ASXL3: variants seen among roughly 807,000 people sequenced by gnomAD.
The protein encoded by ASXL3 is ASXL transcriptional regulator 3, also known as putative Polycomb group protein ASXL3.
Under a neutral mutation model 170.6 loss-of-function variants are expected in ASXL3, and 34 were observed. The ratio of observed to expected loss-of-function variants is 0.20; its 90% CI spans 0.15 to 0.27. The LOEUF (loss-of-function observed/expected upper bound fraction) is 0.27. ASXL3 is among the 10% of genes least tolerant of loss of function. The probability of loss-of-function intolerance (pLI) is 1.00; values close to 1 mark genes in which losing one functional copy is unlikely to be tolerated. For missense variants in ASXL3, 2,592 were observed against 2,695.3 expected (o/e 0.96, Z 0.85); for synonymous variants, 1,002 against 989.1 (o/e 1.01, Z -0.24).
At chr18:33,626,710 A>G (rs560131305) in intron 2 of ASXL3, 11 of 152,262 alleles carry the variant, frequency 7.2e-5, no homozygotes, top group African/African-American at 2.6e-4. Context: ...ACCTTCTGCT[A>G]TGGAAAGGAT....
chr18:33,683,607 T>C, intron 8 of ASXL3, 39 bp downstream of exon 8: 1 of 1,559,742 alleles, frequency 6.4e-7, no homozygotes, highest in Non-Finnish European at 8.7e-7. Flanking sequence ...CAGCCACTAG[T>C]TATATTATGA....
intron 8 of ASXL3, among the ~76,000 whole-genome samples, chr18:33,685,051 T>C (rs1005884636): frequency 6.6e-5 from 10 of 152,164 alleles, no homozygotes; most frequent in African/African-American, 2.4e-4. Flanking sequence ...GTCTGAATGG[T>C]GTTCTCCCTG....
At chr18:33,734,124 C>CTTTAGCATTCTTCTAAAGCATTTAGT (rs2067503577) in intron 9 of ASXL3, among the ~76,000 whole-genome samples, 186 bp from the exon 10 acceptor site, 1 of 150,444 alleles carries the variant, frequency 6.6e-6, no homozygotes, top group African/African-American at 2.4e-5. Flanking sequence ...AAGCATTTAG[C>CTTTAGCATTCTTCTAAAGCATTTAGT]TTTAGCATTT....
At chr18:33,615,987 A>G (rs558286178) in intron 2 of ASXL3, among the ~76,000 whole-genome samples, 4 of 152,178 alleles carry the variant, frequency 2.6e-5, no homozygotes, top group Middle Eastern at 3.2e-3. Context: ...GTTAAATGGT[A>G]TAACATTGAT....
chr18:33,631,508 C>A (rs951452561), intron 2 of ASXL3, among the ~76,000 whole-genome samples: 1 of 151,926 alleles, frequency 6.6e-6, no homozygotes, highest in Non-Finnish European at 1.5e-5. Context: ...ATTAAATAAC[C>A]CATATCTCAT....
chr18:33,673,425 A>T (rs765490875), intron 7 of ASXL3, among the ~76,000 whole-genome samples: 1 of 146,012 alleles, frequency 6.8e-6, no homozygotes, highest in Admixed American at 7.0e-5. Context: ...CCTGGGCTGG[A>T]GTACAGTGGT....
chr18:33,617,818 CA>C (rs930480956), intron 2 of ASXL3, among the ~76,000 whole-genome samples: 1 of 152,078 alleles, frequency 6.6e-6, no homozygotes, highest in Non-Finnish European at 1.5e-5. Flanking sequence ...AAATAGGACC[CA>C]AAATGGATGT....
chr18:33,588,891 T>G (rs2065055427), intron 1 of ASXL3, among the ~76,000 whole-genome samples: 1 of 152,186 alleles, frequency 6.6e-6, no homozygotes, highest in South Asian at 2.1e-4. Flanking sequence ...CCACATTTGT[T>G]CAAGCCACAA....
chr18:33,647,331 AAG>A (rs2065930977), intron 4 of ASXL3, among the ~76,000 whole-genome samples: 1 of 152,082 alleles, frequency 6.6e-6, no homozygotes, highest in South Asian at 2.1e-4. Flanking sequence ...ATCTGTAGCA[AAG>A]GTTGTGAATT....
At chr18:33,653,399 C>T (rs964442923) in intron 4 of ASXL3, among the ~76,000 whole-genome samples, 1 of 152,114 alleles carries the variant, frequency 6.6e-6, no homozygotes, top group Non-Finnish European at 1.5e-5. Flanking sequence ...AACAGCTCTG[C>T]ATTTTAGGCA....
chr18:33,635,614 A>G (rs1033777893), intron 2 of ASXL3, among the ~76,000 whole-genome samples: 14 of 152,216 alleles, frequency 9.2e-5, no homozygotes, highest in Non-Finnish European at 1.3e-4. Context: ...GACCAAGTAG[A>G]TAGTTTAATC....
intron 4 of ASXL3, among the ~76,000 whole-genome samples, chr18:33,656,782 G>A (rs1365558250): frequency 5.3e-5 from 8 of 151,950 alleles, no homozygotes; most frequent in Middle Eastern, 3.2e-3. Context: ...AATAATTTGA[G>A]AAAATAATTT....
At chr18:33,702,787 A>G (rs1488646390) in intron 8 of ASXL3, among the ~76,000 whole-genome samples, 1 of 152,162 alleles carries the variant, frequency 6.6e-6, no homozygotes, top group Non-Finnish European at 1.5e-5. Context: ...CATTCACAGT[A>G]AAATTACATT....
At chr18:33,582,876 G>A (rs1202189490) in intron 1 of ASXL3, among the ~76,000 whole-genome samples, 1 of 151,180 alleles carries the variant, frequency 6.6e-6, no homozygotes, top group Non-Finnish European at 1.5e-5. Flanking sequence ...ATTAAAATTT[G>A]GTAAATCATA....
intron 2 of ASXL3, among the ~76,000 whole-genome samples, chr18:33,612,842 T>C (rs190633887): frequency 5.5e-4 from 84 of 152,244 alleles, no homozygotes; most frequent in African/African-American, 2.0e-3. Flanking sequence ...AATCAATTCT[T>C]ATCTGCAGAC....
chr18:33,670,587 T>C (rs907876109), intron 5 of ASXL3, 86 bp from the exon 6 acceptor site: 1 of 997,016 alleles, frequency 1.0e-6, no homozygotes, highest in Non-Finnish European at 1.4e-6. Flanking sequence ...TTCTATGTAA[T>C]GATGGACAAA....
At chr18:33,626,202 T>C (rs12962308) in intron 2 of ASXL3, among the ~76,000 whole-genome samples, 85,526 of 151,952 alleles carry the variant, frequency 0.56, 24,991 homozygotes, top group African/African-American at 0.69. Flanking sequence ...AGAAGGAAAA[T>C]GGAAATTCTT....
intron 8 of ASXL3, among the ~76,000 whole-genome samples, chr18:33,702,867 A>G (rs1389987464): frequency 6.6e-6 from 1 of 152,134 alleles, no homozygotes; most frequent in Non-Finnish European, 1.5e-5. Flanking sequence ...TATTAGGGAG[A>G]TAATAATCAC....
chr18:33,580,857 C>G (rs1422041594), intron 1 of ASXL3, among the ~76,000 whole-genome samples: 1 of 151,998 alleles, frequency 6.6e-6, no homozygotes, highest in Non-Finnish European at 1.5e-5. Flanking sequence ...TTATTTTTCC[C>G]CTGGTAGTTG....
Sources: gnomAD v4.1 joint callset for allele counts (sites outside exome capture counted in the v4.1 genomes callset) on GRCh38, gnomAD v4.1.1 for gene constraint, MANE v1.5 for transcripts, NCBI Gene and HGNC (gene_info 2026-07-23, HGNC 2026-07-21) for gene names.